The following LINGO1 variants were observed in gnomAD, a reference collection of about 807,000 sequenced individuals.
LINGO1 encodes the protein leucine-rich repeat and immunoglobulin-like domain-containing nogo receptor-interacting protein 1.
In LINGO1, 11 loss-of-function variants were observed where a neutral mutation model predicts 37.3. The ratio of observed to expected loss-of-function variants is 0.29; its 90% CI spans 0.19 to 0.49. The LOEUF (loss-of-function observed/expected upper bound fraction) is 0.49, where lower values mean the gene tolerates loss of function less well. Among genes scored for constraint, LINGO1 ranks in the 20% least tolerant of loss-of-function variants. The probability of loss-of-function intolerance (pLI) is 0.99; values close to 1 mark genes in which losing one functional copy is unlikely to be tolerated. For missense variants in LINGO1, 585 were observed against 878.2 expected (o/e 0.67, Z 4.22); for synonymous variants, 387 against 403.0 (o/e 0.96, Z 0.48).
At chr15:77,789,542 G>A (rs2076802221), upstream of LINGO1, among the ~76,000 whole-genome samples, 1 of 152,202 alleles carries the variant, frequency 6.6e-6, no homozygotes, top group South Asian at 2.1e-4. Context: ...AGGAGGCAGA[G>A]GCTGCAGTGA....
chr15:77,763,900 C>T (rs912580205), intron 1 of LINGO1, among the ~76,000 whole-genome samples: 7 of 152,150 alleles, frequency 4.6e-5, no homozygotes, highest in Non-Finnish European at 7.3e-5. Flanking sequence ...CGCTCATCCC[C>T]CCTTCCCCTG....
At chr15:77,662,829 A>G (rs953985145) in intron 3 of LINGO1, among the ~76,000 whole-genome samples, 4 of 152,330 alleles carry the variant, frequency 2.6e-5, no homozygotes, top group African/African-American at 9.6e-5. Flanking sequence ...TGTGTATACC[A>G]ACAGATGCAC....
intron 1 of LINGO1, among the ~76,000 whole-genome samples, chr15:77,756,616 G>A (rs562039785): frequency 2.6e-5 from 4 of 152,340 alleles, no homozygotes; most frequent in African/African-American, 7.2e-5. Flanking sequence ...CCTGGTTGGT[G>A]AGGAAGTGAA....
Position 77,632,450 on chromosome 15 carries a change from G to C in LINGO1, c.-135C>G. On this transcript the variant is annotated 5_prime_UTR_variant, in exon 1 of 2. Coordinates refer to ENST00000355300, the MANE Select transcript of LINGO1 (RefSeq NM_032808.7). The surrounding 1 kb of genome is among the most constrained non-coding windows in gnomAD (Gnocchi z 6.0). ...CCGACACCTCCGCCCGGCAGTCCGCGCGCCCTCGCGGGGCTGGCTGTCCGT... is the reference window on the plus strand; with the variant it reads ...CCGACACCTCCGCCCGGCAGTCCGCCCGCCCTCGCGGGGCTGGCTGTCCGT... 1.1e-5 allele frequency: 11 copies of C among 999,482 alleles called. No homozygotes were observed. Among genetic ancestry groups the C allele is most frequent in the Non-Finnish European group, 1.4e-5 (11 of 776,902 alleles). The allele number at this position is 999,482 out of a possible 1,614,324, so 61.9% of individuals were successfully genotyped here.
rs368266948 is a variant in LINGO1, at chr15:77,614,911, G to T, written c.996C>A (p.Arg332=). The change falls in exon 2 of 2, where the codon CGC becomes CGA. Residue 332 remains arginine (R), a synonymous_variant. Transcript: ENST00000355300. ...TGAGCACGCGCAGGTAGTTGAGGCC[G>T]CGGAAGGCATAGGGCTCCACCACGG... ...QLAVVEPYAF[R]GLNYLRVLNV... 30 of 1,613,934 alleles carry T rather than the reference G, an allele frequency of 1.9e-5. No homozygotes were observed. The South Asian group carries it at 3.0e-4, about 16-fold the overall frequency.
chr15:77,668,850 T>C (rs564894165), intron 3 of LINGO1, among the ~76,000 whole-genome samples: 16 of 147,274 alleles, frequency 1.1e-4, no homozygotes, highest in Non-Finnish European at 2.4e-4. Context: ...GCATCTTAGG[T>C]CCCAAACTGG....
At chr15:77,777,965 G>C (rs1232434682) in intron 1 of LINGO1, among the ~76,000 whole-genome samples, 1 of 148,556 alleles carries the variant, frequency 6.7e-6, no homozygotes, top group Admixed American at 6.7e-5. Flanking sequence ...GGAAGGGAGG[G>C]AGGGAGGGAG....
At chr15:77,636,157 C>A (rs1197489096), upstream of LINGO1, among the ~76,000 whole-genome samples, 1 of 152,212 alleles carries the variant, frequency 6.6e-6, no homozygotes, top group Non-Finnish European at 1.5e-5. Context: ...GGCTTTGAAG[C>A]TCTGTGTGTA....
chr15:77,630,910 C>T (rs908827800), intron 1 of LINGO1, among the ~76,000 whole-genome samples: 2 of 152,210 alleles, frequency 1.3e-5, no homozygotes, highest in African/African-American at 4.8e-5. Flanking sequence ...CCTCCCACCT[C>T]GGGCCACGGG....
rs566010368 is a variant in LINGO1 at position 77,693,451 on chromosome 15, G to A, written c.-280-2550C>T. On this transcript the variant is annotated intron_variant, in intron 1 of 3. Coordinates refer to the LINGO1 transcript ENST00000559893. ...GGAGCAAGGAAGGTCTTTCTGAAGC[G>A]GCCATATTGGAATTTATTCTATGGG... 2.6e-3 allele frequency among the ~76,000 whole-genome samples: 399 copies of A among 152,330 alleles called. 2 individuals carry two copies. The highest frequency in any genetic ancestry group is 8.2e-3 in the African/African-American group (341 of 41,572).
chr15:77,615,607 C>T lies in LINGO1; in HGVS notation c.300G>A (p.Leu100=), dbSNP rs780258252. ...CGCTCACGATGTTCTCGTTGAGCTC[C>T]AGCTCCTCCAGGTGCGGGAAGCTGG... ...EFASFPHLEE[L]ELNENIVSAV... is the part of the protein sequence containing the mutation. Residue 100 remains leucine (L), a synonymous_variant, in exon 2 of 2, where the codon CTG becomes CTA. Transcript: ENST00000355300. The T allele has an allele frequency of 7.9e-5, 128 of 1,611,350 alleles. No homozygotes were observed. The highest frequency in any genetic ancestry group is 4.7e-4 in the East Asian group (21 of 44,738).
intron 1 of LINGO1, among the ~76,000 whole-genome samples, chr15:77,738,314 A>G (rs1567555601): frequency 6.6e-6 from 1 of 152,156 alleles, no homozygotes; most frequent in Non-Finnish European, 1.5e-5. Context: ...CCATAAGCCC[A>G]TGGTACAGAC....
At chr15:77,751,799 C>T (rs1046427293) in intron 1 of LINGO1, among the ~76,000 whole-genome samples, 2 of 152,304 alleles carry the variant, frequency 1.3e-5, no homozygotes, top group Admixed American at 6.5e-5. Context: ...CGGGCTCAGA[C>T]GGGTGGAGAG....
At chr15:77,779,494 G>T (rs1360236127) in intron 1 of LINGO1, among the ~76,000 whole-genome samples, 3 of 152,008 alleles carry the variant, frequency 2.0e-5, no homozygotes, top group African/African-American at 7.3e-5. Context: ...CCTGCAACTA[G>T]ATTGTCCCAT....
intron 1 of LINGO1, among the ~76,000 whole-genome samples, chr15:77,691,245 G>A (rs1404905082): frequency 6.6e-6 from 1 of 152,204 alleles, no homozygotes; most frequent in Non-Finnish European, 1.5e-5. Context: ...ACACAGCTGT[G>A]GATCAACCCT....
At chr15:77,750,366 C>A (rs55655049) in intron 1 of LINGO1, among the ~76,000 whole-genome samples, 1 of 152,164 alleles carries the variant, frequency 6.6e-6, no homozygotes, top group South Asian at 2.1e-4. Flanking sequence ...ATTAAAAGTG[C>A]CTTATAATTA....
At chr15:77,768,224 A>C (rs1309053766) in intron 1 of LINGO1, among the ~76,000 whole-genome samples, 4 of 150,868 alleles carry the variant, frequency 2.7e-5, no homozygotes, top group Non-Finnish European at 5.9e-5. Context: ...GTTTCCAGGG[A>C]ACACCTGGGC....
chr15:77,790,080 C>T (rs1033843059), upstream of LINGO1, among the ~76,000 whole-genome samples: 1 of 152,214 alleles, frequency 6.6e-6, no homozygotes, highest in Non-Finnish European at 1.5e-5. Flanking sequence ...CCCCTGCCGA[C>T]ACCTTGATTT....
chr15:77,667,863 C>A (rs2075167318), intron 3 of LINGO1: 1 of 152,210 alleles, frequency 6.6e-6, no homozygotes, highest in Admixed American at 6.5e-5. Flanking sequence ...AAAAGGGCAT[C>A]CTCCAGCTGG....
Sources: gnomAD v4.1 joint callset for allele counts (sites outside exome capture counted in the v4.1 genomes callset) on GRCh38, gnomAD v4.1.1 for gene constraint, Gnocchi (gnomAD v3.1) non-coding constraint, MANE v1.5 for transcripts, NCBI Gene and HGNC (gene_info 2026-07-23, HGNC 2026-07-21) for gene names.